Variants in REST observed in about 807,000 individuals in gnomAD.
REST encodes the protein RE1-silencing transcription factor.
Under a neutral mutation model 30.4 loss-of-function variants are expected in REST, and 1 was observed. That is an observed-to-expected ratio of 0.03 (90% CI 0.01 to 0.16). REST has a LOEUF of 0.16. Among genes scored for constraint, REST ranks in the 10% least tolerant of loss-of-function variants. The probability of loss-of-function intolerance (pLI) is 1.00; values close to 1 mark genes in which losing one functional copy is unlikely to be tolerated. For missense variants in REST, 1,259 were observed against 1,329.5 expected (o/e 0.95, Z 0.82); for synonymous variants, 504 against 451.1 (o/e 1.12, Z -1.49).
chr4:56,914,699 G>A (rs187204708), intron 2 of REST, among the ~76,000 whole-genome samples: 212 of 152,122 alleles, frequency 1.4e-3, no homozygotes, highest in African/African-American at 3.8e-3. Context: ...GATTACAGGT[G>A]CCTTCCACCA....
At chr4:56,912,669 C>T (rs1578488152) in intron 2 of REST, among the ~76,000 whole-genome samples, 2 of 152,258 alleles carry the variant, frequency 1.3e-5, no homozygotes, top group South Asian at 2.1e-4. Flanking sequence ...TGCCCACCAC[C>T]ACACCCAGCT....
At chr4:56,920,001 A>G (rs1720374495) in intron 3 of REST, 131 bp downstream of exon 3, 1 of 435,410 alleles carries the variant, frequency 2.3e-6, no homozygotes, top group South Asian at 7.7e-5. Flanking sequence ...GAATTTAAAA[A>G]TCAGTATTCC....
intron 3 of REST, among the ~76,000 whole-genome samples, chr4:56,927,946 G>C (rs1259640418): frequency 1.3e-5 from 2 of 152,240 alleles, no homozygotes; most frequent in Admixed American, 6.5e-5. Context: ...TTGCCATGAC[G>C]GACAGAAGGA....
chr4:56,910,254 A>C (rs1578484374), intron 1 of REST, among the ~76,000 whole-genome samples: 1 of 152,342 alleles, frequency 6.6e-6, no homozygotes, highest in East Asian at 1.9e-4. Flanking sequence ...GGAGGACAAT[A>C]ATTTACTACT....
chr4:56,911,569 T>C (rs1719914269), intron 2 of REST, 33 bp downstream of exon 2: 1 of 1,549,836 alleles, frequency 6.5e-7, no homozygotes, highest in Non-Finnish European at 8.8e-7. Flanking sequence ...TAAGTTCAGT[T>C]CTCTTTTCTG....
chr4:56,931,304 C>T lies in REST; in HGVS notation c.2446C>T (p.Leu816Phe). Residue 816 changes from leucine to phenylalanine, a missense_variant, in exon 4 of 4, where the codon CTC becomes TTC. Coordinates refer to ENST00000309042, the MANE Select transcript of REST (RefSeq NM_005612.5). Reference protein sequence around the residue: ...HMEPISKKPPLRKDKKEKSNM... With the variant: ...HMEPISKKPPFRKDKKEKSNM... ...GGAGCCAATTTCCAAAAAGCCTCCT[C>T]TCCGAAAAGATAAAAAGGAAAAGTC... 1 of 1,614,256 alleles carries T rather than the reference C, an allele frequency of 6.2e-7. No individual in the cohort carries two copies.
At chr4:56,911,894 G>A (rs531694165) in intron 2 of REST, among the ~76,000 whole-genome samples, 4 of 152,322 alleles carry the variant, frequency 2.6e-5, no homozygotes, top group Admixed American at 2.0e-4. Context: ...AGGCCGAGGC[G>A]TAAGGACTGC....
chr4:56,908,521 G>T (rs1467510688), intron 1 of REST, among the ~76,000 whole-genome samples: 2 of 151,944 alleles, frequency 1.3e-5, no homozygotes, highest in Non-Finnish European at 2.9e-5. Context: ...CACCGAGTCA[G>T]GTCCTTTGAG....
Position 56,911,206 on chromosome 4 carries a change from G to C in REST, c.568G>C (p.Glu190Gln). ...VHSAKKFFVE[E>Q]SAEKQAKARE... ...CAGTGCTAAGAAATTTTTTGTGGAA[G>C]AGAGTGCAGAGAAGCAGGCAAAAGC... Residue 190 changes from glutamate to glutamine, a missense_variant, in exon 2 of 4, where the codon GAG (glutamate) becomes CAG (glutamine). Physicochemically the swap from Glu to Gln is conservative, Grantham distance 29. This residue lies in a region of REST where 249 missense variants were observed against 251.5 expected (regional missense o/e 0.99). Transcript: ENST00000309042. The C allele has an allele frequency of 6.2e-7, 1 of 1,614,180 alleles. No individual in the cohort carries two copies. The highest frequency in any genetic ancestry group is 8.5e-7 in the Non-Finnish European group (1 of 1,180,042).
At chr4:56,916,512 C>A (rs961929298) in intron 2 of REST, among the ~76,000 whole-genome samples, 1 of 152,008 alleles carries the variant, frequency 6.6e-6, no homozygotes, top group Non-Finnish European at 1.5e-5. Flanking sequence ...AACACTTAGC[C>A]TGTAGTCCCA....
chr4:56,928,420 A>G (rs530977353), intron 3 of REST, among the ~76,000 whole-genome samples: 2 of 151,720 alleles, frequency 1.3e-5, no homozygotes, highest in Non-Finnish European at 2.9e-5. Flanking sequence ...AATTTTATTT[A>G]TTGATGTATT....
rs1271321967 is a variant in REST, at chr4:56,923,912, G to C, written c.982+4042G>C. 2.0e-5 allele frequency among the ~76,000 whole-genome samples: 3 copies of C among 151,678 alleles called. No individual in the cohort carries two copies. The East Asian group carries it at 5.8e-4, about 29-fold the overall frequency. On this transcript the variant is annotated intron_variant, in intron 3 of 3. Coordinates refer to ENST00000309042, the MANE Select transcript of REST (RefSeq NM_005612.5). ...AATTTTTTGTATTTTTAGTAGAGAC[G>C]GGGTTTCACCATGTTAGCCAGGATA... is the stretch of plus-strand genomic sequence containing the variant.
intron 2 of REST, among the ~76,000 whole-genome samples, chr4:56,914,386 A>T (rs959549104): frequency 6.6e-6 from 1 of 152,200 alleles, no homozygotes; most frequent in Admixed American, 6.5e-5. Flanking sequence ...TGGATGGCTC[A>T]TGTGTTGAAT....
rs1370713548 is a variant in REST at position 56,930,159 on chromosome 4, A to G, written c.1301A>G (p.Glu434Gly). ...KVKLKKTKKR[E>G]ADLPDNITNE... ...AAACTAAAGAAAACCAAAAAACGAG[A>G]GGCTGACTTGCCTGATAATATTACC... The change falls in exon 4 of 4, where the codon GAG (glutamate) becomes GGG (glycine). Residue 434 changes from glutamate (E) to glycine (G), a missense_variant. Glu to Gly is a moderately conservative substitution (Grantham distance 98, BLOSUM62 -2). Coordinates refer to ENST00000309042, the MANE Select transcript of REST (RefSeq NM_005612.5). 1 of 1,613,500 alleles carries G rather than the reference A, an allele frequency of 6.2e-7. No homozygotes were observed. Among genetic ancestry groups the G allele is most frequent in the Non-Finnish European group, 8.5e-7 (1 of 1,179,908 alleles).
intron 3 of REST, among the ~76,000 whole-genome samples, chr4:56,929,531 T>G (rs1352878529): frequency 6.6e-6 from 1 of 152,184 alleles, no homozygotes; most frequent in African/African-American, 2.4e-5. Context: ...TCCTCCAAAT[T>G]AACATCCAGA....
At chr4:56,915,951 A>G (rs572910585) in intron 2 of REST, among the ~76,000 whole-genome samples, 96 of 152,320 alleles carry the variant, frequency 6.3e-4, no homozygotes, top group African/African-American at 2.2e-3. Flanking sequence ...AGTATCATTT[A>G]TAGCCGTTCC....
In REST at chr4:56,930,189, A is replaced by G; in HGVS notation, c.1331A>G (p.Glu444Gly). 6.2e-7 allele frequency: 1 copy of G among 1,609,126 alleles called. No individual in the cohort carries two copies. Residue 444 changes from glutamate (E) to glycine (G), a missense_variant, in exon 4 of 4, where the codon GAA (glutamate) becomes GGA (glycine). Coordinates refer to ENST00000309042, the MANE Select transcript of REST (RefSeq NM_005612.5). ...EADLPDNITN[E>G]KTEIEQTKIK... Reference sequence around the variant, plus strand: ...GACTTGCCTGATAATATTACCAATGAAAAAACAGAAATAGAACAAACAAAA... The same window carrying G: ...GACTTGCCTGATAATATTACCAATGGAAAAACAGAAATAGAACAAACAAAA...
At chr4:56,917,827 G>A (rs1229689223) in intron 2 of REST, among the ~76,000 whole-genome samples, 3 of 151,948 alleles carry the variant, frequency 2.0e-5, no homozygotes, top group African/African-American at 4.8e-5. Flanking sequence ...CGAGGTGAGT[G>A]GATCACGAGG....
intron 3 of REST, among the ~76,000 whole-genome samples, chr4:56,927,847 T>C (rs1720782511): frequency 6.6e-6 from 1 of 152,186 alleles, no homozygotes; most frequent in Non-Finnish European, 1.5e-5. Context: ...ATCAAGAAAG[T>C]TTTCTGAATA....
Sources: gnomAD v4.1 joint callset for allele counts (sites outside exome capture counted in the v4.1 genomes callset) on GRCh38, gnomAD v4.1.1 for gene constraint, gnomAD v4.1.1 regional missense constraint, MANE v1.5 for transcripts, NCBI Gene and HGNC (gene_info 2026-07-23, HGNC 2026-07-21) for gene names.